CYLC2: variants seen among roughly 807,000 people sequenced by gnomAD.
CYLC2 encodes the protein cylicin 2.
Under a neutral mutation model 26.1 loss-of-function variants are expected in CYLC2, and 30 were observed. That is an observed-to-expected ratio of 1.15 (90% confidence interval 0.86 to 1.56). CYLC2 has a LOEUF of 1.56. Ranked by LOEUF, CYLC2 falls within the 40% of genes most tolerant of loss-of-function variation. The pLI is 0.00. For synonymous variants in CYLC2, 158 were observed against 132.8 expected, an observed-to-expected ratio of 1.19 and a Z score of -1.31; for missense variants, 498 against 394.4, an observed-to-expected ratio of 1.26 and a Z score of -2.23.
chr9:103,017,738 G>A (rs959996374), intron 7 of CYLC2, among the ~76,000 whole-genome samples: 1 of 151,960 alleles, frequency 6.6e-6, no homozygotes. Flanking sequence ...AACCACAGAC[G>A]GGGTAGCTTA....
chr9:103,004,741 G>C lies in CYLC2; in HGVS notation c.227G>C (p.Trp76Ser). 3.7e-6 allele frequency: 6 copies of C among 1,608,702 alleles called. No homozygotes were observed. Among genetic ancestry groups the C allele is most frequent in the Non-Finnish European group, 5.1e-6 (6 of 1,177,670 alleles). ...AGAGGAGATCGTAGACAACCATTATGGATGTACCGTTCTTTAATGAGAATT... is the reference window on the plus strand; with the variant it reads ...AGAGGAGATCGTAGACAACCATTATCGATGTACCGTTCTTTAATGAGAATT... ...QLRGDRRQPL[W>S]MYRSLMRISE... Residue 76 changes from tryptophan to serine, a missense_variant, in exon 4 of 8, where the codon TGG becomes TCG. Physicochemically the swap from Trp to Ser is radical, Grantham distance 177. Transcript: ENST00000374798.
intron 1 of CYLC2, among the ~76,000 whole-genome samples, chr9:102,999,846 G>T (rs1031836763): frequency 1.3e-5 from 2 of 151,740 alleles, no homozygotes; most frequent in African/African-American, 4.8e-5. Context: ...AATTTTATAT[G>T]TTTGTCAGTA....
chr9:102,997,237 T>C (rs1014922739), intron 1 of CYLC2, among the ~76,000 whole-genome samples: 1 of 151,824 alleles, frequency 6.6e-6, no homozygotes, highest in Admixed American at 6.6e-5. Flanking sequence ...ATTCTGTCCA[T>C]TGTAAGATGC....
At chr9:103,008,626 T>C (rs533622728) in intron 5 of CYLC2, among the ~76,000 whole-genome samples, 40 of 152,240 alleles carry the variant, frequency 2.6e-4, no homozygotes, top group African/African-American at 9.4e-4. Flanking sequence ...ATCCAATCTG[T>C]AGCTTAATCC....
intron 6 of CYLC2, among the ~76,000 whole-genome samples, chr9:103,013,805 A>C (rs1287275084): frequency 9.9e-6 from 1 of 101,174 alleles, no homozygotes; most frequent in Non-Finnish European, 1.8e-5. Context: ...TATATTATAT[A>C]TTATTATGTA....
At chr9:103,011,269 G>C (rs1019415691) in intron 5 of CYLC2, among the ~76,000 whole-genome samples, 3 of 152,036 alleles carry the variant, frequency 2.0e-5, no homozygotes, top group African/African-American at 4.8e-5. Context: ...TTTGTAAGCT[G>C]TTTGAAGATT....
intron 3 of CYLC2, 108 bp from the exon 4 acceptor site, chr9:103,004,587 A>T: frequency 1.2e-6 from 1 of 820,120 alleles, no homozygotes; most frequent in Non-Finnish European, 1.8e-6. Context: ...TTTTTTAACA[A>T]AAGCTAAAAT....
intron 5 of CYLC2, among the ~76,000 whole-genome samples, chr9:103,008,592 C>G (rs1829375179): frequency 6.6e-6 from 1 of 151,968 alleles, no homozygotes; most frequent in Non-Finnish European, 1.5e-5. Context: ...CCAAGTTCTG[C>G]CAAACCCATT....
At chr9:103,004,641 C>A in intron 3 of CYLC2, 54 bp from the exon 4 acceptor site, 2 of 1,267,428 alleles carry the variant, frequency 1.6e-6, no homozygotes, top group Non-Finnish European at 2.2e-6. Flanking sequence ...TATATTAATA[C>A]AAACTGTGTT....
Position 103,005,150 on chromosome 9 carries a change from C to T in CYLC2, c.519C>T (p.Asp173=), listed in dbSNP as rs763976209. 5.0e-6 allele frequency: 8 copies of T among 1,606,300 alleles called. No homozygotes were observed. The South Asian group carries it at 7.8e-5, about 16-fold the overall frequency. ...KGKKDAEKGK[D]SATESEDEKG... is the part of the protein sequence containing the mutation. ...AAAAGGATGCAGAGAAGGGCAAAGA[C>T]TCAGCAACAGAATCTGAAGATGAAA... is the stretch of plus-strand genomic sequence containing the variant. The change falls in exon 5 of 8, where the codon GAC becomes GAT. Residue 173 remains aspartate, a synonymous_variant. Transcript: ENST00000374798.
intron 1 of CYLC2, among the ~76,000 whole-genome samples, chr9:102,997,390 T>A (rs1160705392): frequency 6.6e-6 from 1 of 151,844 alleles, no homozygotes; most frequent in Non-Finnish European, 1.5e-5. Flanking sequence ...TCGAAATAAA[T>A]CCATGCTAAG....
chr9:103,016,167 A>T (rs1829504033), intron 6 of CYLC2, among the ~76,000 whole-genome samples: 1 of 151,872 alleles, frequency 6.6e-6, no homozygotes, highest in African/African-American at 2.4e-5. Flanking sequence ...GGTATATTAA[A>T]AATGAGTTAT....
At chr9:103,009,073 T>C (rs1479973474) in intron 5 of CYLC2, among the ~76,000 whole-genome samples, 1 of 152,184 alleles carries the variant, frequency 6.6e-6, no homozygotes, top group African/African-American at 2.4e-5. Flanking sequence ...TTTTACCACA[T>C]GTAACCTTAC....
In CYLC2 at chr9:103,005,920, T is replaced by C. The variant is rs12057060; in HGVS notation, c.*242T>C. ...AAGACTTGAAGAATACATATACTTA[T>C]ATTCGGGGATATGAAGGATTCAATG... On this transcript the variant is annotated 3_prime_UTR_variant, in exon 5 of 8. Transcript: ENST00000374798. The C allele has an allele frequency of 9.3e-6, 4 of 430,542 alleles. No homozygotes were observed. Among genetic ancestry groups the C allele is most frequent in the South Asian group, 5.7e-5 (1 of 17,520 alleles). 26.7% of individuals were successfully genotyped at this position (430,542 alleles called of 1,614,324 possible).
Position 102,995,404 on chromosome 9 carries a change from C to A in CYLC2, c.17+7C>A. ...AAATGTCTCTCCCAAGATTGTAAGT[C>A]AAATTTTATGTTTTAAAATAACTGA... On this transcript the variant is annotated splice_region_variant and intron_variant, in intron 1 of 7. Transcript: ENST00000374798. The A allele has an allele frequency of 1.3e-6, 2 of 1,598,022 alleles. No individual in the cohort carries two copies. Among genetic ancestry groups the A allele is most frequent in the South Asian group, 2.2e-5 (2 of 90,598 alleles).
chr9:103,010,188 T>C (rs1829392917), intron 5 of CYLC2, among the ~76,000 whole-genome samples: 1 of 152,056 alleles, frequency 6.6e-6, no homozygotes, highest in African/African-American at 2.4e-5. Flanking sequence ...AGTTGTCATA[T>C]ACCAAGTTAA....
At chr9:103,011,392 T>C (rs538081337) in intron 5 of CYLC2, among the ~76,000 whole-genome samples, 157 of 152,228 alleles carry the variant, frequency 1.0e-3, no homozygotes, top group Non-Finnish European at 1.9e-3. Flanking sequence ...TATCAAACAT[T>C]GTCACATAGC....
intron 2 of CYLC2, among the ~76,000 whole-genome samples, chr9:103,002,918 A>G (rs941750454): frequency 6.6e-6 from 1 of 152,188 alleles, no homozygotes; most frequent in Non-Finnish European, 1.5e-5. Flanking sequence ...TAGTTTTGCA[A>G]TGACTACTTT....
At chr9:103,001,551 T>C in intron 1 of CYLC2, 27 bp from the exon 2 acceptor site, 5 of 1,434,490 alleles carry the variant, frequency 3.5e-6, no homozygotes, top group Non-Finnish European at 4.9e-6. Flanking sequence ...ATAAATTAAC[T>C]AAAACCTTTC....
Sources: gnomAD v4.1 joint callset for allele counts (sites outside exome capture counted in the v4.1 genomes callset) on GRCh38, gnomAD v4.1.1 for gene constraint, MANE v1.5 for transcripts, NCBI Gene and HGNC (gene_info 2026-07-23, HGNC 2026-07-21) for gene names.